TMEM50A: variants seen among roughly 807,000 people sequenced by gnomAD.
The protein encoded by TMEM50A is transmembrane protein 50A.
Under a neutral mutation model 23.9 loss-of-function variants are expected in TMEM50A, and 8 were observed. That is an observed-to-expected ratio of 0.33 (90% CI 0.20 to 0.60). The LOEUF (loss-of-function observed/expected upper bound fraction) is 0.60, where lower values mean the gene tolerates loss of function less well. Ranked by LOEUF, TMEM50A falls within the 20% of genes least tolerant of loss-of-function variation. The pLI, the probability that TMEM50A is intolerant of heterozygous loss-of-function variation, is 0.81. For synonymous variants in TMEM50A, 55 were observed against 60.4 expected (o/e 0.91, Z 0.41); for missense variants, 178 against 192.7 (o/e 0.92, Z 0.45).
chr1:25,352,605 G>A (rs1645284733), intron 4 of TMEM50A, among the ~76,000 whole-genome samples: 2 of 152,012 alleles, frequency 1.3e-5, no homozygotes, highest in Admixed American at 1.3e-4. Flanking sequence ...TAGGAAGGTT[G>A]AGTATAGGTT....
At chr1:25,350,412 C>T (rs941720101) in intron 3 of TMEM50A, among the ~76,000 whole-genome samples, 3 of 151,864 alleles carry the variant, frequency 2.0e-5, no homozygotes, top group Non-Finnish European at 2.9e-5. Flanking sequence ...TTTTAAGAGA[C>T]GGAGTTTCAC....
rs1645389378 is a variant in TMEM50A, at chr1:25,360,588, C to T, written c.429-72C>T. On this transcript the variant is annotated intron_variant, in intron 6 of 6. Transcript: ENST00000374358. ...ATTATTCTTCGTTGTTTGTTTCACA[C>T]CATTCTCGAAATCTCACATACTCTT... is the stretch of plus-strand genomic sequence containing the variant. 4.5e-6 allele frequency: 7 copies of T among 1,542,812 alleles called. No individual in the cohort carries two copies. In the South Asian group the frequency reaches 5.7e-5, roughly 12 times the overall value.
intron 5 of TMEM50A, among the ~76,000 whole-genome samples, chr1:25,355,923 T>C (rs1645329093): frequency 6.6e-6 from 1 of 152,206 alleles, no homozygotes; most frequent in African/African-American, 2.4e-5. Context: ...AAGATGACAT[T>C]TGTCTTCCTC....
intron 6 of TMEM50A, among the ~76,000 whole-genome samples, chr1:25,358,700 G>T (rs1287993277): frequency 6.6e-6 from 1 of 152,218 alleles, no homozygotes; most frequent in East Asian, 1.9e-4. Context: ...TTTTGACAGT[G>T]TAGGAGGGAC....
chr1:25,342,834 A>G (rs1309427854), intron 2 of TMEM50A, 127 bp from the exon 3 acceptor site: 2 of 629,408 alleles, frequency 3.2e-6, no homozygotes, highest in East Asian at 3.0e-5. Context: ...TGTGCAAATT[A>G]CATGTGGGAA....
Position 25,362,072 on chromosome 1 carries a change from T to C in TMEM50A, c.*1367T>C. 3.3e-6 allele frequency: 1 copy of C among 304,430 alleles called. No homozygotes were observed. Among genetic ancestry groups the C allele is most frequent in the Non-Finnish European group, 6.3e-6 (1 of 159,278 alleles). 18.9% of individuals were successfully genotyped at this position (304,430 alleles called of 1,614,324 possible). A position where few individuals can be genotyped will look rare whatever the true frequency, so the allele number is the denominator to read the frequency against. ...CCCCACAGTGCAATTCAGAATATGCTCAGGGAATGCCAGCCACCTTGTAAA... is the reference window on the plus strand; with the variant it reads ...CCCCACAGTGCAATTCAGAATATGCCCAGGGAATGCCAGCCACCTTGTAAA... On this transcript the variant is annotated 3_prime_UTR_variant, in exon 7 of 7. Transcript: ENST00000374358.
Position 25,361,438 on chromosome 1 carries a change from T to C in TMEM50A, c.*733T>C, listed in dbSNP as rs1048425092. 3 of 152,354 alleles carry C rather than the reference T, an allele frequency of 2.0e-5. No homozygotes were observed. Among genetic ancestry groups the C allele is most frequent in the Non-Finnish European group, 2.9e-5 (2 of 68,138 alleles). The allele number at this position is 152,354 out of a possible 1,614,324, so 9.4% of individuals were successfully genotyped here. ...AAGGAAAGGAAAAAAGGGCAGAGAC[T>C]TGACACTCCAGTCTTAGACAGGGGA... On this transcript the variant is annotated 3_prime_UTR_variant, in exon 7 of 7. Transcript: ENST00000374358.
rs1199727571 is a variant in TMEM50A, at chr1:25,362,255, T to G, written c.*1550T>G. 3 of 672,616 alleles carry G rather than the reference T, an allele frequency of 4.5e-6. No individual in the cohort carries two copies. Among genetic ancestry groups the G allele is most frequent in the Non-Finnish European group, 7.3e-6 (3 of 409,458 alleles). 41.7% of individuals were successfully genotyped at this position (672,616 alleles called of 1,614,324 possible). A position where few individuals can be genotyped will look rare whatever the true frequency, so the allele number is the denominator to read the frequency against. ...GAATCTTAAGAATTGTCAATAAAAT[T>G]AACCCAAAACTTTAATAATGTGTCT... is the stretch of plus-strand genomic sequence containing the variant. On this transcript the variant is annotated 3_prime_UTR_variant, in exon 7 of 7. Coordinates refer to ENST00000374358, the MANE Select transcript of TMEM50A (RefSeq NM_014313.4).
intron 6 of TMEM50A, 44 bp from the exon 7 acceptor site, chr1:25,360,616 C>T (rs768975836): frequency 1.9e-6 from 3 of 1,607,428 alleles, no homozygotes; most frequent in Non-Finnish European, 2.6e-6. Context: ...ATACTCTTTT[C>T]TCAAATTCAG....
intron 3 of TMEM50A, among the ~76,000 whole-genome samples, chr1:25,351,151 C>T (rs890741632): frequency 7.1e-6 from 1 of 139,998 alleles, no homozygotes; most frequent in Non-Finnish European, 1.5e-5. Flanking sequence ...GGAGACAGAG[C>T]GAGACTCCGT....
chr1:25,344,617 C>T (rs556974207), intron 3 of TMEM50A, among the ~76,000 whole-genome samples: 3 of 151,832 alleles, frequency 2.0e-5, no homozygotes, highest in Non-Finnish European at 4.4e-5. Context: ...TGGGCTCAAG[C>T]GATCCACCTG....
At chr1:25,341,403 C>T (rs1204100767) in intron 2 of TMEM50A, among the ~76,000 whole-genome samples, 2 of 152,040 alleles carry the variant, frequency 1.3e-5, no homozygotes, top group Non-Finnish European at 1.5e-5. Context: ...GGACTACAGG[C>T]GCCCGCCACT....
chr1:25,357,594 C>T (rs1433560521), intron 6 of TMEM50A, among the ~76,000 whole-genome samples: 1 of 145,554 alleles, frequency 6.9e-6, no homozygotes, highest in African/African-American at 2.6e-5. Context: ...GAGACAGAGT[C>T]TCAGTCTCTC....
intron 3 of TMEM50A, among the ~76,000 whole-genome samples, chr1:25,346,282 G>A (rs914538832): frequency 6.6e-5 from 10 of 150,938 alleles, no homozygotes; most frequent in African/African-American, 2.2e-4. Flanking sequence ...CATGTTAGAC[G>A]TGTAAGGTGC....
At chr1:25,357,528 AGTGTGTGTGT>A (rs58801158) in intron 6 of TMEM50A, among the ~76,000 whole-genome samples, 4 of 139,660 alleles carry the variant, frequency 2.9e-5, no homozygotes, top group South Asian at 2.3e-4. Context: ...CTGCATCAGG[AGTGTGTGTGT>A]GTGTGTGTGT....
At position 25,344,887 on chromosome 1, in the gene TMEM50A, T is replaced by C. The variant is rs149781640; in HGVS notation, c.206+1814T>C. On this transcript the variant is annotated intron_variant, in intron 3 of 6. Transcript: ENST00000374358. ...GAGTTTCTAGCTGCCTTTTCTTTGT[T>C]TTCTTGCATTTTCTACTATTATCAC... Among the ~76,000 whole-genome samples the C allele has an allele frequency of 3.2e-3, 480 of 152,146 alleles. 14 individuals are homozygous for C. The highest frequency in any genetic ancestry group is 0.025 in the Admixed American group (378 of 15,286).
At chr1:25,342,396 T>G (rs1341347166) in intron 2 of TMEM50A, among the ~76,000 whole-genome samples, 1 of 152,222 alleles carries the variant, frequency 6.6e-6, no homozygotes, top group Non-Finnish European at 1.5e-5. Flanking sequence ...TAGAGCCAAA[T>G]TCAATTAGAT....
intron 5 of TMEM50A, among the ~76,000 whole-genome samples, chr1:25,355,743 G>A (rs1645326907): frequency 1.3e-5 from 2 of 152,286 alleles, no homozygotes; most frequent in South Asian, 2.1e-4. Flanking sequence ...CTGTCAATGA[G>A]CAGTCATTAA....
At chr1:25,339,668 T>C (rs546030948) in intron 1 of TMEM50A, among the ~76,000 whole-genome samples, 2 of 152,232 alleles carry the variant, frequency 1.3e-5, no homozygotes, top group African/African-American at 2.4e-5. Context: ...TTATCACTTG[T>C]CTCTCTACTA....
Sources: allele counts gnomAD v4.1 joint callset (sites outside exome capture counted in the v4.1 genomes callset), GRCh38; gene constraint gnomAD v4.1.1; transcripts MANE v1.5; gene names NCBI Gene and HGNC (gene_info 2026-07-23, HGNC 2026-07-21).